UBA6: variants seen among roughly 807,000 people sequenced by gnomAD.
UBA6 encodes ubiquitin like modifier activating enzyme 6.
A neutral mutation model predicts 148.3 loss-of-function variants in UBA6; 87 were observed. The observed-to-expected ratio is 0.59, with a 90% CI of 0.49 to 0.70. The LOEUF is 0.70. Among genes scored for constraint, UBA6 ranks in the 30% least tolerant of loss-of-function variants. UBA6 has a pLI of 0.00. For missense variants in UBA6, 1,186 were observed against 1,241.2 expected (o/e 0.96, Z 0.67); for synonymous variants, 376 against 401.0 (o/e 0.94, Z 0.75).
intron 7 of UBA6, among the ~76,000 whole-genome samples, chr4:67,671,647 G>A (rs138884225): frequency 1.2e-3 from 188 of 152,140 alleles, no homozygotes; most frequent in African/African-American, 4.3e-3. Context: ...CAACACGAAT[G>A]CTCTAGAGCA....
intron 13 of UBA6, among the ~76,000 whole-genome samples, chr4:67,657,038 A>T (rs1485777001): frequency 1.3e-5 from 2 of 152,222 alleles, no homozygotes; most frequent in Non-Finnish European, 2.9e-5. Flanking sequence ...AAGAGGACAC[A>T]AACAAATGGA....
At position 67,670,587 on chromosome 4, in the gene UBA6, G is replaced by C. The variant is rs764833296; in HGVS notation, c.552C>G (p.Ile184Met). 6.2e-6 allele frequency: 10 copies of C among 1,604,848 alleles called. No individual in the cohort carries two copies. The South Asian group carries it at 1.1e-4, about 18-fold the overall frequency. Residue 184 changes from isoleucine to methionine, a missense_variant, in exon 8 of 33, where the codon ATC becomes ATG. Ile to Met is a conservative substitution (Grantham distance 10). Coordinates refer to ENST00000322244, the MANE Select transcript of UBA6 (RefSeq NM_018227.6). ...ACCAAATTCCATGTACATCTGCACT[G>C]ATAAACTGTAAAATGGCAAAAACAA... ...CRSQCPPIKFISADVHGIWSR... is the reference protein window; with the variant it reads ...CRSQCPPIKFMSADVHGIWSR...
chr4:67,631,727 A>G lies in UBA6; in HGVS notation c.2239T>C (p.Phe747Leu). The change falls in exon 25 of 33, where the codon TTT (phenylalanine) becomes CTT (leucine). Residue 747 changes from phenylalanine (F) to leucine (L), a missense_variant. Transcript: ENST00000322244. ...ACTTACAAAGGCTCATTTAAATCAA[A>G]TTTTATTGGAGAGGGTGGCCTCTTT... is the stretch of plus-strand genomic sequence containing the variant. ...SPKRPPSPIK[F>L]DLNEPLHLSF... 6.2e-7 allele frequency: 1 copy of G among 1,609,488 alleles called. No homozygotes were observed. The highest frequency in any genetic ancestry group is 8.5e-7 in the Non-Finnish European group (1 of 1,177,926).
At chr4:67,668,355 G>A (rs193139283) in intron 9 of UBA6, among the ~76,000 whole-genome samples, 196 bp downstream of exon 9, 2 of 152,276 alleles carry the variant, frequency 1.3e-5, no homozygotes, top group Non-Finnish European at 2.9e-5. Flanking sequence ...TCCCTGCTAA[G>A]TTCAGTGTCC....
At chr4:67,695,393 T>C (rs953879381) in intron 2 of UBA6, among the ~76,000 whole-genome samples, 4 of 152,214 alleles carry the variant, frequency 2.6e-5, no homozygotes, top group East Asian at 1.9e-4. Flanking sequence ...TGACTTCTTA[T>C]CACTTAAGCC....
intron 2 of UBA6, among the ~76,000 whole-genome samples, chr4:67,687,419 G>C (rs1009452222): frequency 3.9e-5 from 6 of 152,126 alleles, no homozygotes; most frequent in African/African-American, 1.4e-4. Context: ...ACTAGCTCCA[G>C]TTCATATAAA....
chr4:67,678,330 G>A (rs1213034967), intron 5 of UBA6, 109 bp downstream of exon 5: 1 of 558,050 alleles, frequency 1.8e-6, no homozygotes, highest in Admixed American at 3.9e-5. Flanking sequence ...GTATAAAGTA[G>A]AGCACTTTAT....
intron 32 of UBA6, among the ~76,000 whole-genome samples, chr4:67,621,130 T>C (rs940907389): frequency 1.3e-5 from 2 of 152,218 alleles, no homozygotes; most frequent in Admixed American, 6.5e-5. Flanking sequence ...TACAGTCCAC[T>C]GCAGCATAAA....
Position 67,624,136 on chromosome 4 carries a change from T to C in UBA6, c.2830A>G (p.Thr944Ala). Residue 944 changes from threonine to alanine, a missense_variant, in exon 30 of 33, where the codon ACT becomes GCT. By Grantham distance (58) the Thr-to-Ala change is moderately conservative. Coordinates refer to ENST00000322244, the MANE Select transcript of UBA6 (RefSeq NM_018227.6). ...VFTETTEVRK[T>A]KIRNGISFTI... The stretch of plus-strand genomic sequence containing the variant: ...GACTTTCATACATACCTGATTTTAG[T>C]TTTCCTTACTTCAGTTGTCTCTGTA... 6.3e-7 allele frequency: 1 copy of C among 1,586,404 alleles called. No homozygotes were observed. The highest frequency in any genetic ancestry group is 2.3e-5 in the East Asian group (1 of 44,222).
chr4:67,686,952 TAAAAAAAAAAAAAAA>T (rs546442640), intron 2 of UBA6, among the ~76,000 whole-genome samples: 40 of 57,188 alleles, frequency 7.0e-4, no homozygotes, highest in African/African-American at 1.2e-3. Context: ...ATCCTGTCTC[TAAAAAAAAAAAAAAA>T]AAAAAAAAAA....
intron 32 of UBA6, among the ~76,000 whole-genome samples, chr4:67,620,261 C>T (rs894499992): frequency 6.6e-6 from 1 of 152,124 alleles, no homozygotes; most frequent in East Asian, 1.9e-4. Context: ...AAATTAATGC[C>T]TTAGCTAATA....
intron 23 of UBA6, among the ~76,000 whole-genome samples, chr4:67,632,769 A>C (rs1197344301): frequency 1.3e-5 from 2 of 152,160 alleles, no homozygotes; most frequent in African/African-American, 4.8e-5. Context: ...TGAGGCAGGG[A>C]TCACTTGAGC....
At position 67,668,689 on chromosome 4, in the gene UBA6, A is replaced by G; in HGVS notation, c.670-15T>C. On this transcript the variant is annotated splice_polypyrimidine_tract_variant and intron_variant, in intron 8 of 32. Coordinates refer to ENST00000322244, the MANE Select transcript of UBA6 (RefSeq NM_018227.6). ...CCAGGATTTGCCTAAAAATAAGAGT[A>G]ATCTATTAAAAAAGAACTTCTTTTT... 1 of 1,601,976 alleles carries G rather than the reference A, an allele frequency of 6.2e-7. No homozygotes were observed. Among genetic ancestry groups the G allele is most frequent in the Non-Finnish European group, 8.5e-7 (1 of 1,174,080 alleles).
chr4:67,665,208 G>A lies in UBA6; in HGVS notation c.878C>T (p.Thr293Ile). ...LHGGIAVQVK[T>I]PKTVFFESLE... ...ACTTACAAAAAAAACTGTTTTAGGA[G>A]TCTTAACTTGGACAGCTATGCCTCC... Residue 293 changes from threonine (T) to isoleucine (I), a missense_variant, in exon 10 of 33, where the codon ACT (threonine) becomes ATT (isoleucine). Transcript: ENST00000322244. The A allele has an allele frequency of 6.3e-7, 1 of 1,593,436 alleles. No homozygotes were observed. Among genetic ancestry groups the A allele is most frequent in the Non-Finnish European group, 8.5e-7 (1 of 1,172,736 alleles).
At chr4:67,624,375 A>G in intron 29 of UBA6, 122 bp from the exon 30 acceptor site, 1 of 829,886 alleles carries the variant, frequency 1.2e-6, no homozygotes, top group Admixed American at 3.2e-5. Context: ...CAGCTATGGG[A>G]CTATAGTAAT....
In UBA6 at chr4:67,646,716, A is replaced by G; in HGVS notation, c.1316+8T>C. The G allele has an allele frequency of 6.3e-7, 1 of 1,599,742 alleles. No individual in the cohort carries two copies. On this transcript the variant is annotated splice_region_variant and intron_variant, in intron 15 of 32. Transcript: ENST00000322244. The stretch of plus-strand genomic sequence containing the variant: ...TGTTAGTAAAAGCAAGAGAAATTTC[A>G]TTATTACCGTGGGAGAAATTCTTCA...
Position 67,682,121 on chromosome 4 carries a change from AT to A in UBA6, c.226del (p.Ile76LeufsTer26). On this transcript the variant is annotated frameshift_variant, in exon 3 of 33. Coordinates refer to ENST00000322244, the MANE Select transcript of UBA6 (RefSeq NM_018227.6). LOFTEE classifies it high-confidence loss of function. ...LSGMGGLGLEIAKNLVLAGIK... is the reference protein window; with the variant it reads ...LSGMGGLGLEXAKNLVLAGIK... ...TTAGGAATATAAATATTGCTTACCA[AT>A]TTCCAAACCAAGACCACCCATCCCA... is the stretch of plus-strand genomic sequence containing the variant. The A allele has an allele frequency of 6.2e-7, 1 of 1,612,538 alleles. No individual in the cohort carries two copies. Among genetic ancestry groups the A allele is most frequent in the East Asian group, 2.2e-5 (1 of 44,854 alleles).
At chr4:67,696,392 T>C (rs1730834174) in intron 2 of UBA6, among the ~76,000 whole-genome samples, 1 of 149,942 alleles carries the variant, frequency 6.7e-6, no homozygotes, top group Admixed American at 6.7e-5. Flanking sequence ...TTTATATATA[T>C]GTGTGTATAT....
rs1728838164 is a variant in UBA6, at chr4:67,625,201, C to A, written c.2519-14G>T. ...TCTGAAGGTCACCTGATTATACCAA[C>A]CAGATAAACAAAGTTCCACAGCAAG... On this transcript the variant is annotated splice_polypyrimidine_tract_variant and intron_variant, in intron 28 of 32. Transcript: ENST00000322244. The A allele has an allele frequency of 1.9e-6, 3 of 1,574,894 alleles. No individual in the cohort carries two copies. The highest frequency in any genetic ancestry group is 8.6e-7 in the Non-Finnish European group (1 of 1,157,218).
Sources: allele counts gnomAD v4.1 joint callset (sites outside exome capture counted in the v4.1 genomes callset), GRCh38; gene constraint gnomAD v4.1.1; transcripts MANE v1.5; gene names NCBI Gene and HGNC (gene_info 2026-07-23, HGNC 2026-07-21).